The following SLC2A9 variants were observed in gnomAD, a reference collection of about 807,000 sequenced individuals.
SLC2A9 encodes the protein solute carrier family 2, facilitated glucose transporter member 9.
SLC2A9 carries 39 observed loss-of-function variants against 50.6 expected under a neutral mutation model. That is an observed-to-expected ratio of 0.77 (90% confidence interval 0.60 to 1.01). SLC2A9 has a LOEUF of 1.01. Ranked by LOEUF, SLC2A9 falls within the 50% of genes least tolerant of loss-of-function variation. The pLI, the probability that SLC2A9 is intolerant of heterozygous loss-of-function variation, is 0.00. For synonymous variants in SLC2A9, 324 were observed against 276.9 expected, an observed-to-expected ratio of 1.17 and a Z score of -1.69; for missense variants, 686 against 677.6, an observed-to-expected ratio of 1.01 and a Z score of -0.14.
intron 6 of SLC2A9, among the ~76,000 whole-genome samples, chr4:9,925,407 C>G (rs572519577): frequency 1.6e-3 from 237 of 152,280 alleles, no homozygotes; most frequent in African/African-American, 5.3e-3. Flanking sequence ...CTGGGAGCGC[C>G]CCCTGACCAG....
At chr4:9,850,033 G>A (rs1729613678) in intron 10 of SLC2A9, among the ~76,000 whole-genome samples, 1 of 151,866 alleles carries the variant, frequency 6.6e-6, no homozygotes, top group African/African-American at 2.4e-5. Flanking sequence ...GCACACTCAA[G>A]CCACATCTTC....
intron 10 of SLC2A9, among the ~76,000 whole-genome samples, chr4:9,842,354 G>A (rs1471218268): frequency 1.3e-5 from 2 of 152,134 alleles, no homozygotes; most frequent in African/African-American, 4.8e-5. Flanking sequence ...TCTTACAAAG[G>A]ATTTTGCCAA....
At chr4:9,826,063 T>TCC (rs1200734792), downstream of SLC2A9, among the ~76,000 whole-genome samples, 3 of 150,098 alleles carry the variant, frequency 2.0e-5, no homozygotes, top group Non-Finnish European at 4.4e-5. Context: ...ACCTACTATT[T>TCC]CCCCAATTTC....
At chr4:10,037,049 A>G (rs1764130228) in intron 1 of SLC2A9, among the ~76,000 whole-genome samples, 3 of 152,198 alleles carry the variant, frequency 2.0e-5, no homozygotes, top group Admixed American at 2.0e-4. Context: ...TAGTCATTCA[A>G]TGCTTAATTC....
chr4:9,952,222 C>A (rs996107476), intron 5 of SLC2A9, among the ~76,000 whole-genome samples: 1 of 152,134 alleles, frequency 6.6e-6, no homozygotes, highest in Non-Finnish European at 1.5e-5. Flanking sequence ...TATGTCCCTG[C>A]CAAATATCAT....
chr4:9,979,395 G>C (rs140602684), intron 5 of SLC2A9, among the ~76,000 whole-genome samples: 1 of 152,102 alleles, frequency 6.6e-6, no homozygotes, highest in African/African-American at 2.4e-5. Flanking sequence ...TGCACTGTTC[G>C]TGCCTAGAAC....
chr4:9,781,873 G>A (rs1207598244), intron 3 of SLC2A9: 7 of 584,820 alleles, frequency 1.2e-5, no homozygotes, highest in Non-Finnish European at 1.9e-5. Context: ...GTCCCCGCGC[G>A]CTCCGCAGCC....
At chr4:9,879,041 A>G (rs964092766) in intron 10 of SLC2A9, 7 of 984,738 alleles carry the variant, frequency 7.1e-6, no homozygotes, top group Non-Finnish European at 8.4e-6. Flanking sequence ...ACAAGCATTT[A>G]TTGAGTGCTG....
intron 10 of SLC2A9, among the ~76,000 whole-genome samples, chr4:9,864,194 C>T (rs1308735360): frequency 6.6e-6 from 1 of 152,076 alleles, no homozygotes; most frequent in East Asian, 1.9e-4. Flanking sequence ...TGTACACAGC[C>T]ATTTCAAGAA....
intron 8 of SLC2A9, among the ~76,000 whole-genome samples, chr4:9,892,418 G>T (rs1737663925): frequency 6.6e-6 from 1 of 152,146 alleles, no homozygotes; most frequent in Non-Finnish European, 1.5e-5. Context: ...AGGGAAGAAG[G>T]GCAGACTCAA....
At chr4:9,799,945 C>T (rs189675329) in intron 3 of SLC2A9, among the ~76,000 whole-genome samples, 7 of 152,180 alleles carry the variant, frequency 4.6e-5, no homozygotes, top group South Asian at 2.1e-4. Flanking sequence ...ACTTCAAGGG[C>T]GGATGATGTG....
chr4:9,999,442 T>C (rs1366205264), intron 2 of SLC2A9, among the ~76,000 whole-genome samples: 5 of 152,192 alleles, frequency 3.3e-5, no homozygotes, highest in African/African-American at 1.2e-4. Flanking sequence ...TTTTATATAC[T>C]CTTTTGTATG....
chr4:9,782,252 A>G lies in SLC2A9; in HGVS notation n.386-2187T>C, dbSNP rs745775968. On this transcript the variant is annotated intron_variant and non_coding_transcript_variant, in intron 3 of 3. Transcript: ENST00000503803. Reference sequence around the variant, plus strand: ...GCGGAGCCGCCACCTGCGCGCCAACATGACCAACGTCTTCATCGTGTCTCT... The same window carrying G: ...GCGGAGCCGCCACCTGCGCGCCAACGTGACCAACGTCTTCATCGTGTCTCT... The G allele has an allele frequency of 6.8e-6, 11 of 1,613,740 alleles. No individual in the cohort carries two copies. The highest frequency in any genetic ancestry group is 8.5e-6 in the Non-Finnish European group (10 of 1,179,858).
intron 3 of SLC2A9, among the ~76,000 whole-genome samples, chr4:9,814,967 A>G (rs917358457): frequency 1.3e-5 from 2 of 152,064 alleles, no homozygotes; most frequent in Non-Finnish European, 2.9e-5. Context: ...AGGGAAACAG[A>G]TCAGAGTCAT....
intron 3 of SLC2A9, among the ~76,000 whole-genome samples, chr4:9,810,543 T>C (rs938920632): frequency 6.6e-6 from 1 of 152,234 alleles, no homozygotes; most frequent in East Asian, 1.9e-4. Flanking sequence ...TCACACCTAC[T>C]AGTCTCACGA....
intron 5 of SLC2A9, among the ~76,000 whole-genome samples, chr4:9,975,085 A>G (rs1004394059): frequency 6.6e-6 from 1 of 152,244 alleles, no homozygotes; most frequent in Non-Finnish European, 1.5e-5. Flanking sequence ...CCTACATTTT[A>G]CCATATACAA....
chr4:9,934,015 G>T (rs1746618007), intron 6 of SLC2A9, among the ~76,000 whole-genome samples: 1 of 152,184 alleles, frequency 6.6e-6, no homozygotes, highest in African/African-American at 2.4e-5. Flanking sequence ...AAAGTCAGCT[G>T]ATGAGCAGCC....
At chr4:9,903,894 TTTA>T in intron 8 of SLC2A9, among the ~76,000 whole-genome samples, 1 of 147,594 alleles carries the variant, frequency 6.8e-6, no homozygotes, top group Admixed American at 6.8e-5. Context: ...ATTTATATAT[TTTA>T]TATCAATAAA....
intron 5 of SLC2A9, among the ~76,000 whole-genome samples, chr4:9,959,716 T>A (rs1051975888): frequency 6.6e-6 from 1 of 152,220 alleles, no homozygotes; most frequent in Admixed American, 6.5e-5. Context: ...AGTTGAAATA[T>A]GAATACTTTT....
Sources: allele counts gnomAD v4.1 joint callset (sites outside exome capture counted in the v4.1 genomes callset), GRCh38; gene constraint gnomAD v4.1.1; transcripts MANE v1.5; gene names NCBI Gene and HGNC (gene_info 2026-07-23, HGNC 2026-07-21).